The following KALRN variants were observed in gnomAD, a reference collection of about 807,000 sequenced individuals.
The protein encoded by KALRN is kalirin RhoGEF kinase.
A neutral mutation model predicts 353.7 loss-of-function variants in KALRN; 70 were observed. That is an observed-to-expected ratio of 0.20 (90% CI 0.16 to 0.24). The LOEUF (loss-of-function observed/expected upper bound fraction) is 0.24. Ranked by LOEUF, KALRN falls within the 10% of genes least tolerant of loss-of-function variation. KALRN has a pLI of 1.00. For synonymous variants in KALRN, 1,391 were observed against 1,434.8 expected (o/e 0.97, Z 0.69); for missense variants, 2,791 against 3,756.7 (o/e 0.74, Z 6.72).
In KALRN at chr3:124,584,675, C is replaced by A. The variant is rs2074950351; in HGVS notation, c.5182+21586C>A. On this transcript the variant is annotated intron_variant, in intron 34 of 59. Transcript: ENST00000682506. ...AAGGTGGCAGTGGCTCCCAGTAAGT[C>A]AGAGCTGCGGCCGCGGTGCGGGGAG... is the stretch of plus-strand genomic sequence containing the variant. The A allele has an allele frequency of 4.2e-6, 6 of 1,430,770 alleles. No homozygotes were observed. The South Asian group carries it at 9.1e-5, about 22-fold the overall frequency. The allele number at this position is 1,430,770 out of a possible 1,614,324, so 88.6% of individuals were successfully genotyped here.
At chr3:124,303,571 G>A (rs900964368) in intron 6 of KALRN, among the ~76,000 whole-genome samples, 1 of 152,132 alleles carries the variant, frequency 6.6e-6, no homozygotes, top group Non-Finnish European at 1.5e-5. Flanking sequence ...CATGCGACTC[G>A]CAGGAGTACA....
chr3:124,148,183 G>A (rs2067618357), intron 1 of KALRN, among the ~76,000 whole-genome samples: 1 of 152,110 alleles, frequency 6.6e-6, no homozygotes, highest in Non-Finnish European at 1.5e-5. Flanking sequence ...GGCCATCAGG[G>A]GTTCAGTGGG....
intron 47 of KALRN, among the ~76,000 whole-genome samples, chr3:124,669,641 C>T (rs78334752): frequency 2.4e-4 from 37 of 152,286 alleles, no homozygotes; most frequent in Admixed American, 7.2e-4. Flanking sequence ...ACCTTTACTT[C>T]GTTCCAAGAG....
intron 10 of KALRN, among the ~76,000 whole-genome samples, chr3:124,371,181 G>T (rs930495099): frequency 2.0e-5 from 3 of 152,110 alleles, no homozygotes; most frequent in African/African-American, 7.2e-5. Flanking sequence ...TCCTGTTCAG[G>T]TATGTTATGA....
chr3:124,172,676 T>C (rs2072033684), intron 1 of KALRN, among the ~76,000 whole-genome samples: 1 of 151,936 alleles, frequency 6.6e-6, no homozygotes, highest in Admixed American at 6.6e-5. Flanking sequence ...CATAGAGAGT[T>C]CCTGGGCCTG....
intron 3 of KALRN, among the ~76,000 whole-genome samples, chr3:124,235,959 G>A (rs2079701473): frequency 6.6e-6 from 1 of 152,172 alleles, no homozygotes; most frequent in African/African-American, 2.4e-5. Context: ...TGTTGAGTGA[G>A]GCAAGTACTG....
At chr3:124,511,700 C>T (rs1017721238) in intron 33 of KALRN, among the ~76,000 whole-genome samples, 1 of 152,194 alleles carries the variant, frequency 6.6e-6, no homozygotes, top group African/African-American at 2.4e-5. Flanking sequence ...TTTTCCAGTA[C>T]GTGTGTGATC....
chr3:124,388,470 C>A (rs531649091), intron 11 of KALRN, among the ~76,000 whole-genome samples: 1 of 151,988 alleles, frequency 6.6e-6, no homozygotes, highest in African/African-American at 2.4e-5. Context: ...GTAGTACACA[C>A]GTGGCATTAG....
At chr3:124,525,302 A>T (rs1423080123) in intron 33 of KALRN, among the ~76,000 whole-genome samples, 1 of 152,176 alleles carries the variant, frequency 6.6e-6, no homozygotes, top group Non-Finnish European at 1.5e-5. Context: ...ATGGTGGAAT[A>T]AGGAAAGTTA....
intron 1 of KALRN, among the ~76,000 whole-genome samples, chr3:124,141,233 A>T (rs1025099297): frequency 3.2e-4 from 48 of 151,140 alleles, no homozygotes; most frequent in Non-Finnish European, 1.3e-4. Context: ...TTTTACTTCA[A>T]CTCCTCTTTT....
At chr3:124,062,743 A>G (rs918521557) in intron 1 of KALRN, among the ~76,000 whole-genome samples, 3 of 152,188 alleles carry the variant, frequency 2.0e-5, no homozygotes, top group African/African-American at 7.2e-5. Context: ...TGTGAAAGGA[A>G]GCTAGTTTGG....
intron 37 of KALRN, among the ~76,000 whole-genome samples, chr3:124,642,527 C>G (rs192694147): frequency 1.3e-5 from 2 of 152,106 alleles, no homozygotes; most frequent in Non-Finnish European, 2.9e-5. Flanking sequence ...GCAAGACTTT[C>G]CACCCTCTGG....
intron 5 of KALRN, among the ~76,000 whole-genome samples, chr3:124,280,336 A>G (rs1005477971): frequency 1.3e-5 from 2 of 152,116 alleles, no homozygotes; most frequent in Non-Finnish European, 2.9e-5. Flanking sequence ...ACCCTCCTGT[A>G]GTTACACCCT....
chr3:124,044,090 C>G (rs1321139744), intron 1 of KALRN, among the ~76,000 whole-genome samples: 1 of 152,166 alleles, frequency 6.6e-6, no homozygotes, highest in Non-Finnish European at 1.5e-5. Context: ...CTTGCTCATT[C>G]TTCTCCATGA....
At chr3:124,118,698 T>A (rs920807331) in intron 1 of KALRN, among the ~76,000 whole-genome samples, 2 of 152,206 alleles carry the variant, frequency 1.3e-5, no homozygotes, top group African/African-American at 4.8e-5. Context: ...GTAAACATAT[T>A]TAATTTCTCA....
chr3:124,578,929 C>T (rs527563871), intron 34 of KALRN, among the ~76,000 whole-genome samples: 1 of 152,266 alleles, frequency 6.6e-6, no homozygotes, highest in African/African-American at 2.4e-5. Flanking sequence ...GCTCACCAAG[C>T]CTATGCTCTA....
At position 124,033,957 on chromosome 3, in the gene KALRN, C is replaced by G. The variant is rs930673677; in HGVS notation, c.73+144C>G. Among the ~76,000 whole-genome samples the G allele has an allele frequency of 1.3e-5, 2 of 152,010 alleles. No individual in the cohort carries two copies. The highest frequency in any genetic ancestry group is 4.8e-5 in the African/African-American group (2 of 41,396). ...CCCTCGGCGTCGGGGCTGGAGTTGC[C>G]GAGATTCTGGTTGTTATGGCAGTGC... On this transcript the variant is annotated intron_variant, in intron 1 of 59. Transcript: ENST00000682506. The surrounding 1 kb of genome is among the most constrained non-coding windows in gnomAD (Gnocchi z 6.2).
chr3:124,724,967 ATTAG>A lies in KALRN; in HGVS notation c.*5502_*5505del, dbSNP rs2063401698. The A allele has an allele frequency of 6.6e-6, 1 of 152,250 alleles. No homozygotes were observed. The highest frequency in any genetic ancestry group is 2.4e-5 in the African/African-American group (1 of 41,472). The allele number at this position is 152,250 out of a possible 1,614,324, so 9.4% of individuals were successfully genotyped here. A position where few individuals can be genotyped will look rare whatever the true frequency, so the allele number is the denominator to read the frequency against. ...TTTATTCAAATGATCAAGATAACGC[ATTAG>A]TTAGATAACTGCTATTTCAGATAGT... is the stretch of plus-strand genomic sequence containing the variant. On this transcript the variant is annotated 3_prime_UTR_variant, in exon 60 of 60. Transcript: ENST00000682506.
At chr3:124,274,736 A>C (rs899655443) in intron 5 of KALRN, among the ~76,000 whole-genome samples, 1 of 152,186 alleles carries the variant, frequency 6.6e-6, no homozygotes, top group Non-Finnish European at 1.5e-5. Flanking sequence ...TGACCAAGAC[A>C]TCTAGCCCAA....
Sources: gnomAD v4.1 joint callset for allele counts (sites outside exome capture counted in the v4.1 genomes callset) on GRCh38, gnomAD v4.1.1 for gene constraint, Gnocchi (gnomAD v3.1) non-coding constraint, MANE v1.5 for transcripts, NCBI Gene and HGNC (gene_info 2026-07-23, HGNC 2026-07-21) for gene names.